Variants in SMARCA5 observed in about 807,000 individuals in gnomAD.
SMARCA5 encodes SWI/SNF-related matrix-associated actin-dependent regulator of chromatin subfamily A member 5.
Under a neutral mutation model 140.4 loss-of-function variants are expected in SMARCA5, and 18 were observed. That is an observed-to-expected ratio of 0.13 (90% CI 0.09 to 0.19). SMARCA5 has a LOEUF of 0.19. SMARCA5 is among the 10% of genes least tolerant of loss of function. The pLI, the probability that SMARCA5 is intolerant of heterozygous loss-of-function variation, is 1.00. For synonymous variants in SMARCA5, 449 were observed against 419.6 expected, an observed-to-expected ratio of 1.07 and a Z score of -0.86; for missense variants, 606 against 1,276.8, an observed-to-expected ratio of 0.47 and a Z score of 8.01.
At chr4:143,527,750 G>A (rs1040463508) in intron 6 of SMARCA5, 118 bp from the exon 7 acceptor site, 1 of 769,760 alleles carries the variant, frequency 1.3e-6, no homozygotes, top group South Asian at 1.9e-5. Flanking sequence ...AATATAGCTA[G>A]CTACTCTACT....
In SMARCA5 at chr4:143,522,694, G is replaced by C. The variant is rs75123062; in HGVS notation, c.419+1099G>C. The stretch of plus-strand genomic sequence containing the variant: ...ATTTAAAATATTTCAGACTTCAGAA[G>C]TTTGCATTAGTGTCATGGCATGAAA... On this transcript the variant is annotated intron_variant, in intron 3 of 23. Coordinates refer to ENST00000283131, the MANE Select transcript of SMARCA5 (RefSeq NM_003601.4). Among the ~76,000 whole-genome samples, 440 of 152,244 alleles carry C rather than the reference G, an allele frequency of 2.9e-3. 1 individual carries two copies. Among genetic ancestry groups the C allele is most frequent in the Non-Finnish European group, 5.3e-3 (361 of 68,012 alleles).
intron 1 of SMARCA5, 105 bp from the exon 2 acceptor site, chr4:143,517,250 G>A: frequency 1.4e-6 from 1 of 699,372 alleles, no homozygotes; most frequent in East Asian, 3.0e-5. Context: ...GGAAGTTTGG[G>A]GTGAGAATGT....
At chr4:143,517,450 T>C (rs1355731410) in intron 2 of SMARCA5, 21 bp downstream of exon 2, 4 of 1,512,292 alleles carry the variant, frequency 2.6e-6, no homozygotes, top group South Asian at 2.4e-5. Flanking sequence ...GGCTTGTGAA[T>C]AGAGTCTATA....
At chr4:143,540,882 TG>T (rs1737413678) in intron 14 of SMARCA5, among the ~76,000 whole-genome samples, 1 of 152,174 alleles carries the variant, frequency 6.6e-6, no homozygotes, top group African/African-American at 2.4e-5. Flanking sequence ...TTGATTACTG[TG>T]GGGAAAACTG....
rs1413250409 is a variant in SMARCA5, at chr4:143,520,674, T to C, written c.253-755T>C. ...GTTGAGTAGTTGGTTTCCCTGTTTATTGAGCTTTTCTTGTCTTGCTTCTCC... is the reference window on the plus strand; with the variant it reads ...GTTGAGTAGTTGGTTTCCCTGTTTACTGAGCTTTTCTTGTCTTGCTTCTCC... On this transcript the variant is annotated intron_variant, in intron 2 of 23. Transcript: ENST00000283131. 3.3e-5 allele frequency among the ~76,000 whole-genome samples: 5 copies of C among 152,258 alleles called. No individual in the cohort carries two copies. The East Asian group carries it at 9.6e-4, about 29-fold the overall frequency.
At chr4:143,517,291 G>T in intron 1 of SMARCA5, 64 bp from the exon 2 acceptor site, 1 of 1,126,250 alleles carries the variant, frequency 8.9e-7, no homozygotes, top group Non-Finnish European at 1.3e-6. Flanking sequence ...GTCAGAAATT[G>T]GTCTATAATG....
intron 15 of SMARCA5, 93 bp from the exon 16 acceptor site, chr4:143,543,759 GA>G: frequency 6.6e-7 from 1 of 1,514,762 alleles, no homozygotes; most frequent in Non-Finnish European, 9.0e-7. Flanking sequence ...TCCTTAAAGA[GA>G]AGCTTTTGTG....
At position 143,532,959 on chromosome 4, in the gene SMARCA5, A is replaced by G. The variant is rs1737225771; in HGVS notation, c.1159-1896A>G. Among the ~76,000 whole-genome samples, 5 of 152,132 alleles carry G rather than the reference A, an allele frequency of 3.3e-5. No homozygotes were observed. The South Asian group carries it at 1.0e-3, about 32-fold the overall frequency. On this transcript the variant is annotated intron_variant, in intron 9 of 23. Coordinates refer to ENST00000283131, the MANE Select transcript of SMARCA5 (RefSeq NM_003601.4). ...GCTGAACTAGCTTTTCTACGTGGTG[A>G]TGTTAGAGAGGTGTTGCTGGTATTT... is the stretch of plus-strand genomic sequence containing the variant.
At chr4:143,534,384 A>G (rs557841277) in intron 9 of SMARCA5, among the ~76,000 whole-genome samples, 3 of 152,298 alleles carry the variant, frequency 2.0e-5, no homozygotes, top group African/African-American at 4.8e-5. Flanking sequence ...TTCCACATCC[A>G]TAGATTCAAT....
At chr4:143,550,733 C>G (rs1737625804) in intron 23 of SMARCA5, among the ~76,000 whole-genome samples, 1 of 152,026 alleles carries the variant, frequency 6.6e-6, no homozygotes, top group Non-Finnish European at 1.5e-5. Flanking sequence ...AACTCCAGTT[C>G]CATCCATGTT....
Position 143,538,660 on chromosome 4 carries a change from A to G in SMARCA5, c.1566A>G (p.Arg522=), listed in dbSNP as rs1242655978. 1 of 1,613,792 alleles carries G rather than the reference A, an allele frequency of 6.2e-7. No individual in the cohort carries two copies. ...LDILEDYCMW[R]NYEYCRLDGQ... is the part of the protein sequence containing the mutation. ...TTTTGGAAGATTATTGCATGTGGAG[A>G]AATTATGAGTACTGCAGGTTGGATG... is the stretch of plus-strand genomic sequence containing the variant. The change falls in exon 12 of 24, where the codon AGA becomes AGG. Residue 522 remains arginine (R), a synonymous_variant. Coordinates refer to ENST00000283131, the MANE Select transcript of SMARCA5 (RefSeq NM_003601.4).
In SMARCA5 at chr4:143,538,845, G is replaced by C. The variant is rs61761959; in HGVS notation, c.1677G>C (p.Thr559=). Residue 559 remains threonine (T), a synonymous_variant, in exon 13 of 24, where the codon ACG becomes ACC. Transcript: ENST00000283131. Reference sequence around the variant, plus strand: ...CAAAGTTTGTTTTCATGTTAAGCACGCGTGCTGGTGGTCTTGGCATCAATC... The same window carrying C: ...CAAAGTTTGTTTTCATGTTAAGCACCCGTGCTGGTGGTCTTGGCATCAATC... The part of the protein sequence containing the change: ...NSTKFVFMLS[T]RAGGLGINLA... 2.5e-6 allele frequency: 4 copies of C among 1,613,960 alleles called. No individual in the cohort carries two copies. Among genetic ancestry groups the C allele is most frequent in the Middle Eastern group, 1.6e-4 (1 of 6,062 alleles).
chr4:143,527,752 T>TA, intron 6 of SMARCA5, 116 bp from the exon 7 acceptor site: 1 of 792,896 alleles, frequency 1.3e-6, no homozygotes, highest in African/African-American at 1.8e-5. Flanking sequence ...TATAGCTAGC[T>TA]ACTCTACTCC....
intron 23 of SMARCA5, among the ~76,000 whole-genome samples, chr4:143,550,568 C>T (rs1246008139): frequency 6.6e-6 from 1 of 151,902 alleles, no homozygotes; most frequent in East Asian, 1.9e-4. Flanking sequence ...TATCCATTAG[C>T]CAGCCCCACT....
At chr4:143,524,294 C>A in intron 3 of SMARCA5, 73 bp from the exon 4 acceptor site, 1 of 1,003,602 alleles carries the variant, frequency 1.0e-6, no homozygotes. Context: ...AGCCACTTGA[C>A]TATGATGTTT....
chr4:143,540,608 G>A, intron 14 of SMARCA5, 113 bp downstream of exon 14: 1 of 965,798 alleles, frequency 1.0e-6, no homozygotes, highest in Non-Finnish European at 1.6e-6. Context: ...CAAGCTTGCA[G>A]CCAGTAGAGA....
chr4:143,528,129 C>A, intron 7 of SMARCA5, 106 bp downstream of exon 7: 1 of 869,664 alleles, frequency 1.1e-6, no homozygotes, highest in Non-Finnish European at 1.7e-6. Context: ...GCAGAACGTG[C>A]AGGTTTGTTA....
At chr4:143,544,711 G>T in intron 16 of SMARCA5, 26 bp from the exon 17 acceptor site, 1 of 1,270,748 alleles carries the variant, frequency 7.9e-7, no homozygotes, top group South Asian at 1.2e-5. Context: ...AAAAGTTGGT[G>T]ATTTGAGTTG....
At chr4:143,536,013 T>C (rs1737295053) in intron 10 of SMARCA5, among the ~76,000 whole-genome samples, 1 of 152,126 alleles carries the variant, frequency 6.6e-6, no homozygotes, top group South Asian at 2.1e-4. Context: ...CTTCCTGTCT[T>C]CTCAGATGTT....
Sources: allele counts gnomAD v4.1 joint callset (sites outside exome capture counted in the v4.1 genomes callset), GRCh38; gene constraint gnomAD v4.1.1; transcripts MANE v1.5; gene names NCBI Gene and HGNC (gene_info 2026-07-23, HGNC 2026-07-21).